TRPM8: variants seen among roughly 807,000 people sequenced by gnomAD.
TRPM8 encodes the protein TRPM8 cationic channel.
Under a neutral mutation model 133.7 loss-of-function variants are expected in TRPM8, and 110 were observed. That is an observed-to-expected ratio of 0.82 (90% CI 0.70 to 0.96). The LOEUF is 0.96. TRPM8 is among the 40% of genes least tolerant of loss of function. The pLI, the probability that TRPM8 is intolerant of heterozygous loss-of-function variation, is 0.00. For synonymous variants in TRPM8, 535 were observed against 532.3 expected (o/e 1.01, Z -0.07); for missense variants, 1,291 against 1,379.5 (o/e 0.94, Z 1.02).
At chr2:233,992,536 CA>C (rs1692304980) in intron 21 of TRPM8, among the ~76,000 whole-genome samples, 1 of 152,164 alleles carries the variant, frequency 6.6e-6, no homozygotes, top group Non-Finnish European at 1.5e-5. Context: ...TTTCCACTCT[CA>C]GTGAGTTTCT....
At position 234,005,640 on chromosome 2, in the gene TRPM8, G is replaced by C. The variant is rs573718448; in HGVS notation, c.3131-1213G>C. ...TTTGCTTAAATCGAGGCTGGGCACA[G>C]TGTCTCAAGCCTGTAATCCCAGAAC... is the stretch of plus-strand genomic sequence containing the variant. On this transcript the variant is annotated intron_variant, in intron 22 of 25. Transcript: ENST00000324695. Among the ~76,000 whole-genome samples, 4 of 152,286 alleles carry C rather than the reference G, an allele frequency of 2.6e-5. No individual in the cohort carries two copies. The South Asian group carries it at 6.2e-4, about 24-fold the overall frequency.
chr2:233,935,863 T>C (rs1384810441), intron 3 of TRPM8, among the ~76,000 whole-genome samples: 1 of 151,900 alleles, frequency 6.6e-6, no homozygotes, highest in Non-Finnish European at 1.5e-5. Context: ...TCTTGGTGGT[T>C]GTTGTTCCTG....
At chr2:233,998,017 A>G (rs2125358035) in intron 22 of TRPM8, among the ~76,000 whole-genome samples, 1 of 152,292 alleles carries the variant, frequency 6.6e-6, no homozygotes, top group East Asian at 1.9e-4. Flanking sequence ...CAACCAGATT[A>G]AGCATGCAGG....
Position 234,018,946 on chromosome 2 carries a change from C to G in TRPM8, c.*1690C>G, listed in dbSNP as rs1488918036. 1.3e-5 allele frequency: 2 copies of G among 152,000 alleles called. No homozygotes were observed. The highest frequency in any genetic ancestry group is 2.9e-5 in the Non-Finnish European group (2 of 67,996). 9.4% of individuals were successfully genotyped at this position (152,000 alleles called of 1,614,324 possible). The stretch of plus-strand genomic sequence containing the variant: ...TTATCTTACTGAACACCTGTAGTCC[C>G]AGCTTTCTCTGGAAGTGGTCGTATT... On this transcript the variant is annotated 3_prime_UTR_variant, in exon 26 of 26. Transcript: ENST00000324695.
intron 1 of TRPM8, among the ~76,000 whole-genome samples, chr2:233,918,677 A>T (rs1329625252): frequency 1.3e-5 from 2 of 152,188 alleles, no homozygotes; most frequent in Non-Finnish European, 2.9e-5. Flanking sequence ...AATTTGGCTG[A>T]TAGAGGCAAT....
At chr2:234,005,967 C>CACACACACACACAG (rs1045698162) in intron 22 of TRPM8, among the ~76,000 whole-genome samples, 1 of 150,776 alleles carries the variant, frequency 6.6e-6, no homozygotes, top group Non-Finnish European at 1.5e-5. Flanking sequence ...CACACACACA[C>CACACACACACACAG]AGAATTTGCT....
At position 233,926,647 on chromosome 2, in the gene TRPM8, G is replaced by A. The variant is rs1462238770; in HGVS notation, c.110G>A (p.Ser37Asn). The change falls in exon 2 of 26, where the codon AGT (serine) becomes AAT (asparagine). Residue 37 changes from serine to asparagine, a missense_variant. Physicochemically the swap from Ser to Asn is conservative, Grantham distance 46 (BLOSUM62 1). Around this residue, in one of 2 missense-constraint regions of TRPM8, gnomAD observed 963 missense variants for 968.9 expected, o/e 0.99. Transcript: ENST00000324695. ...TCTCGGAGCACAGACTTGTCTTACA[G>A]TGAAAGCGTAAGTCATGCGCATCAC... ...SASRSTDLSY[S>N]ESDLVNFIQA... The A allele has an allele frequency of 6.2e-7, 1 of 1,612,450 alleles. No homozygotes were observed. The highest frequency in any genetic ancestry group is 8.5e-7 in the Non-Finnish European group (1 of 1,178,444).
chr2:234,012,831 G>A (rs550992072), intron 24 of TRPM8, among the ~76,000 whole-genome samples: 7 of 151,426 alleles, frequency 4.6e-5, no homozygotes, highest in Non-Finnish European at 1.0e-4. Context: ...ATCATGAAAA[G>A]GCCTTGAATT....
rs141040008 is a variant in TRPM8, at chr2:233,966,738, G to T, written c.2008G>T (p.Ala670Ser). ...GGAGGCCACAGACCAGCATTTCATC[G>T]CCCAGCCTGGGGTCCAGGTAAACCA... ...AVEATDQHFI[A>S]QPGVQNFLSK... Residue 670 changes from alanine to serine, a missense_variant, in exon 15 of 26, where the codon GCC (alanine) becomes TCC (serine). Physicochemically the swap from Ala to Ser is moderately conservative, Grantham distance 99 (BLOSUM62 1). Around this residue, in one of 2 missense-constraint regions of TRPM8, gnomAD observed 963 missense variants for 968.9 expected, o/e 0.99. Coordinates refer to ENST00000324695, the MANE Select transcript of TRPM8 (RefSeq NM_024080.5). The T allele has an allele frequency of 1.8e-5, 28 of 1,588,332 alleles. No homozygotes were observed. The highest frequency in any genetic ancestry group is 1.7e-6 in the Non-Finnish European group (2 of 1,163,824).
chr2:234,014,054 G>T (rs959908722), intron 24 of TRPM8, among the ~76,000 whole-genome samples: 3 of 152,008 alleles, frequency 2.0e-5, no homozygotes, highest in Non-Finnish European at 4.4e-5. Flanking sequence ...AAACATGCAT[G>T]GATCAAGATT....
Position 233,983,101 on chromosome 2 carries a change from G to T in TRPM8, c.2638G>T (p.Ala880Ser). The stretch of plus-strand genomic sequence containing the variant: ...GTTCCTCTTTGCGGTGTGGATGGTG[G>T]CCTTTGGCGTGGCCAGGCAAGGGAT... ...FLFLFAVWMV[A>S]FGVARQGILR... Residue 880 changes from alanine (A) to serine (S), a missense_variant, in exon 20 of 26, where the codon GCC becomes TCC. Physicochemically the swap from Ala to Ser is moderately conservative, Grantham distance 99. Around this residue, in one of 2 missense-constraint regions of TRPM8, gnomAD observed 328 missense variants for 410.6 expected, o/e 0.80. Transcript: ENST00000324695. 1 of 1,614,176 alleles carries T rather than the reference G, an allele frequency of 6.2e-7. No individual in the cohort carries two copies. The highest frequency in any genetic ancestry group is 1.1e-5 in the South Asian group (1 of 91,086).
intron 1 of TRPM8, among the ~76,000 whole-genome samples, chr2:233,918,888 A>G (rs1386824990): frequency 6.6e-6 from 1 of 152,162 alleles, no homozygotes; most frequent in African/African-American, 2.4e-5. Flanking sequence ...TGCAAGTGTT[A>G]TACTCACCAT....
At chr2:233,987,258 G>T (rs28901877) in intron 21 of TRPM8, among the ~76,000 whole-genome samples, 5,597 of 152,146 alleles carry the variant, frequency 0.037, 344 homozygotes, top group African/African-American at 0.13. Context: ...TGAAAGAATG[G>T]TATTTTTTAA....
At chr2:233,922,557 G>A (rs781538311) in intron 1 of TRPM8, among the ~76,000 whole-genome samples, 4 of 151,830 alleles carry the variant, frequency 2.6e-5, no homozygotes, top group East Asian at 1.9e-4. Flanking sequence ...CCTCTACCAC[G>A]TCATCTCTAC....
intron 8 of TRPM8, among the ~76,000 whole-genome samples, chr2:233,949,165 G>A (rs1352251872): frequency 6.6e-6 from 1 of 152,166 alleles, no homozygotes; most frequent in Non-Finnish European, 1.5e-5. Context: ...GAGGGATCCC[G>A]GCCTGCTCTG....
intron 22 of TRPM8, among the ~76,000 whole-genome samples, chr2:233,997,007 G>A (rs374803579): frequency 2.0e-5 from 3 of 152,216 alleles, no homozygotes; most frequent in Non-Finnish European, 4.4e-5. Context: ...GCTCACGCCT[G>A]TAATCCCAAC....
intron 17 of TRPM8, among the ~76,000 whole-genome samples, chr2:233,970,717 A>G (rs1691692748): frequency 6.6e-6 from 1 of 152,196 alleles, no homozygotes; most frequent in African/African-American, 2.4e-5. Context: ...ACCCTGGATG[A>G]TAAACCCACT....
rs1420071647 is a variant in TRPM8, at chr2:233,985,851, G to A, written c.2925G>A (p.Leu975=). Residue 975 remains leucine (L), a synonymous_variant, in exon 21 of 26, where the codon CTG becomes CTA. Transcript: ENST00000324695. ...CCAACATCCTGCTGGTCAACCTGCT[G>A]GTCGCCATGTTTGGGTATGTGTTCA... The part of the protein sequence containing the change: ...LSTNILLVNL[L]VAMFGYTVGT... 2.5e-6 allele frequency: 4 copies of A among 1,613,430 alleles called. No individual in the cohort carries two copies. Among genetic ancestry groups the A allele is most frequent in the Non-Finnish European group, 3.4e-6 (4 of 1,179,690 alleles).
intron 1 of TRPM8, among the ~76,000 whole-genome samples, chr2:233,919,928 A>G (rs1444175543): frequency 6.6e-6 from 1 of 152,094 alleles, no homozygotes; most frequent in Admixed American, 6.5e-5. Context: ...AGATTTGATT[A>G]TATGCTCTGG....
Sources: allele counts gnomAD v4.1 joint callset (sites outside exome capture counted in the v4.1 genomes callset), GRCh38; gene constraint gnomAD v4.1.1; regional missense constraint gnomAD v4.1.1; transcripts MANE v1.5; gene names NCBI Gene and HGNC (gene_info 2026-07-23, HGNC 2026-07-21).